Variants in DMXL2 observed in about 807,000 individuals in gnomAD.
DMXL2 encodes dmX-like protein 2.
DMXL2 carries 103 observed loss-of-function variants against 331.1 expected under a neutral mutation model. That is an observed-to-expected ratio of 0.31 (90% CI 0.27 to 0.37). DMXL2 has a LOEUF of 0.37. Among genes scored for constraint, DMXL2 ranks in the 10% least tolerant of loss-of-function variants. The pLI is 1.00. For synonymous variants in DMXL2, 1,281 were observed against 1,252.1 expected (o/e 1.02, Z -0.49); for missense variants, 3,171 against 3,642.9 (o/e 0.87, Z 3.33).
chr15:51,505,507 C>A (rs2046350230), intron 16 of DMXL2, among the ~76,000 whole-genome samples: 2 of 152,230 alleles, frequency 1.3e-5, no homozygotes, highest in African/African-American at 2.4e-5. Context: ...ACATTCTCTG[C>A]TGGGTGAATC....
chr15:51,461,283 C>G (rs552611713), intron 33 of DMXL2, among the ~76,000 whole-genome samples: 1 of 151,852 alleles, frequency 6.6e-6, no homozygotes, highest in Admixed American at 6.6e-5. Context: ...GACTAAGGGG[C>G]GGAGAGGGGG....
intron 29 of DMXL2, among the ~76,000 whole-genome samples, chr15:51,470,445 TAACAA>T (rs1316388087): frequency 7.9e-5 from 12 of 152,052 alleles, no homozygotes; most frequent in African/African-American, 2.2e-4. Flanking sequence ...AGTCTTTAGA[TAACAA>T]AACAAAGCTT....
At chr15:51,564,745 T>G (rs945179988) in intron 4 of DMXL2, among the ~76,000 whole-genome samples, 4 of 152,154 alleles carry the variant, frequency 2.6e-5, no homozygotes, top group Admixed American at 6.5e-5. Context: ...AGTAATTTCC[T>G]GATACAAATG....
intron 32 of DMXL2, among the ~76,000 whole-genome samples, chr15:51,464,178 G>T (rs1354768365): frequency 6.6e-6 from 1 of 152,194 alleles, no homozygotes; most frequent in Non-Finnish European, 1.5e-5. Flanking sequence ...CAAGACCAGG[G>T]ACTGCTTGAG....
chr15:51,470,047 G>C (rs889173733), intron 29 of DMXL2, among the ~76,000 whole-genome samples: 2 of 152,182 alleles, frequency 1.3e-5, no homozygotes, highest in African/African-American at 4.8e-5. Flanking sequence ...GGGTCTGAGG[G>C]AAGACCCAAG....
In DMXL2 at chr15:51,498,890, A is replaced by G. The variant is rs61995718; in HGVS notation, c.4334T>C (p.Ile1445Thr). 1.4e-3 allele frequency: 2,280 copies of G among 1,614,142 alleles called. 40 individuals carry two copies. The African/African-American group carries it at 0.027, about 19-fold the overall frequency. ...TGGTATCTTTGTACTTTCTTCTGAA[A>G]TTCTGTAGGATGTATCTTGATCTGC... is the stretch of plus-strand genomic sequence containing the variant. ...LAADQDTSYR[I>T]SEESTKIPQS... Residue 1445 changes from isoleucine to threonine, a missense_variant, in exon 18 of 44, where the codon ATT becomes ACT. By Grantham distance (89) the Ile-to-Thr change is moderately conservative. This residue lies in a region of DMXL2 where 1,674 missense variants were observed against 1,780.2 expected (regional missense o/e 0.94). Transcript: ENST00000560891.
In DMXL2 at chr15:51,520,991, A is replaced by T. The variant is rs535792718; in HGVS notation, c.2437-3824T>A. On this transcript the variant is annotated intron_variant, in intron 13 of 43. Coordinates refer to ENST00000560891, the MANE Select transcript of DMXL2 (RefSeq NM_001378457.1). ...TTTTACAGTTGTTTTGACCATGCCT[A>T]ATTAGTGATTTTTAGCAAAATTGCT... Among the ~76,000 whole-genome samples the T allele has an allele frequency of 1.5e-4, 23 of 152,304 alleles. No homozygotes were observed. The South Asian group carries it at 4.8e-3, about 32-fold the overall frequency.
intron 1 of DMXL2, among the ~76,000 whole-genome samples, chr15:51,615,116 G>A (rs867362302): frequency 1.2e-4 from 19 of 152,304 alleles, no homozygotes; most frequent in African/African-American, 4.6e-4. Flanking sequence ...AAGAAAAGTG[G>A]AGTTGCTATT....
chr15:51,481,683 A>G (rs1482011298), intron 23 of DMXL2, 60 bp from the exon 24 acceptor site: 2 of 1,430,516 alleles, frequency 1.4e-6, no homozygotes, highest in Non-Finnish European at 1.9e-6. Flanking sequence ...TTACATTACA[A>G]AACAATAAAA....
At chr15:51,524,575 TGAGA>T (rs944206624) in intron 13 of DMXL2, among the ~76,000 whole-genome samples, 1 of 152,132 alleles carries the variant, frequency 6.6e-6, no homozygotes, top group African/African-American at 2.4e-5. Flanking sequence ...AGCGTGGTGC[TGAGA>T]GAGTTTCTGT....
At chr15:51,601,095 C>T (rs911019522) in intron 1 of DMXL2, among the ~76,000 whole-genome samples, 8 of 151,890 alleles carry the variant, frequency 5.3e-5, no homozygotes, top group Non-Finnish European at 2.9e-5. Context: ...ATTGAGACCA[C>T]CCTGGCTAAC....
Position 51,564,163 on chromosome 15 carries a change from A to T in DMXL2, c.462T>A (p.Pro154=), listed in dbSNP as rs751214840. ...CACACTTCCAATCATTTAAAACAGG[A>T]GGAACTGTATTATCAATTTCTTCCT... The part of the protein sequence containing the change: ...EEEEEIDNTV[P]PVLNDWKCVW... The change falls in exon 5 of 44, where the codon CCT becomes CCA. Residue 154 remains proline, a synonymous_variant. Coordinates refer to ENST00000560891, the MANE Select transcript of DMXL2 (RefSeq NM_001378457.1). 6.2e-7 allele frequency: 1 copy of T among 1,606,958 alleles called. No individual in the cohort carries two copies. The highest frequency in any genetic ancestry group is 1.1e-5 in the South Asian group (1 of 89,702).
At chr15:51,587,628 T>C (rs1464967421) in intron 1 of DMXL2, among the ~76,000 whole-genome samples, 1 of 152,208 alleles carries the variant, frequency 6.6e-6, no homozygotes, top group Non-Finnish European at 1.5e-5. Flanking sequence ...GCAGTAAACA[T>C]ACGTGTGCAT....
chr15:51,468,330 C>CAA (rs1247954927), intron 29 of DMXL2, among the ~76,000 whole-genome samples: 3 of 152,256 alleles, frequency 2.0e-5, no homozygotes, highest in African/African-American at 7.2e-5. Context: ...CAGGCAAACT[C>CAA]AAACACTAGT....
intron 13 of DMXL2, among the ~76,000 whole-genome samples, chr15:51,531,463 T>C (rs1028606905): frequency 1.3e-5 from 2 of 152,190 alleles, no homozygotes; most frequent in Non-Finnish European, 2.9e-5. Context: ...TTCCAGGACA[T>C]TGGTCTCAGC....
intron 1 of DMXL2, among the ~76,000 whole-genome samples, chr15:51,608,661 T>A (rs1374295196): frequency 6.6e-6 from 1 of 152,148 alleles, no homozygotes; most frequent in Admixed American, 6.5e-5. Context: ...ACTTATTACC[T>A]GGGTGACAAA....
chr15:51,571,375 G>C (rs12438491), intron 2 of DMXL2, among the ~76,000 whole-genome samples: 1 of 151,748 alleles, frequency 6.6e-6, no homozygotes, highest in African/African-American at 2.4e-5. Flanking sequence ...TAGACACATC[G>C]ACAAGACAGA....
chr15:51,538,248 T>A lies in DMXL2; in HGVS notation c.1310A>T (p.Asp437Val), dbSNP rs1337675011. The change falls in exon 10 of 44, where the codon GAT becomes GTT. Residue 437 changes from aspartate (D) to valine (V), a missense_variant. Coordinates refer to ENST00000560891, the MANE Select transcript of DMXL2 (RefSeq NM_001378457.1). ...DREDEEHSQE[D>V]RERGLHMKLD... ...TTTCATATGTAAACCCCGTTCTCTA[T>A]CCTCCTGTGAATGTTCCTCATCTTC... 1.2e-6 allele frequency: 2 copies of A among 1,613,720 alleles called. No individual in the cohort carries two copies. Among genetic ancestry groups the A allele is most frequent in the Admixed American group, 1.7e-5 (1 of 60,016 alleles).
chr15:51,537,101 G>C (rs2048330564), intron 11 of DMXL2, among the ~76,000 whole-genome samples: 1 of 152,156 alleles, frequency 6.6e-6, no homozygotes, highest in South Asian at 2.1e-4. Flanking sequence ...CACAGCCACA[G>C]ATCTAAATAG....
Sources: allele counts gnomAD v4.1 joint callset (sites outside exome capture counted in the v4.1 genomes callset), GRCh38; gene constraint gnomAD v4.1.1; regional missense constraint gnomAD v4.1.1; transcripts MANE v1.5; gene names NCBI Gene and HGNC (gene_info 2026-07-23, HGNC 2026-07-21).